Variants in FSIP1 observed in about 807,000 individuals in gnomAD.
FSIP1 encodes the protein fibrous sheath-interacting protein 1.
In FSIP1, 65 loss-of-function variants were observed where a neutral mutation model predicts 60.9. The ratio of observed to expected loss-of-function variants is 1.07; its 90% CI spans 0.87 to 1.31. FSIP1 has a LOEUF of 1.31. Among genes scored for constraint, FSIP1 ranks in the 40% most tolerant of loss-of-function variants. The probability of loss-of-function intolerance (pLI) is 0.00; values close to 1 mark genes in which losing one functional copy is unlikely to be tolerated. For missense variants in FSIP1, 675 were observed against 665.5 expected (o/e 1.01, Z -0.16); for synonymous variants, 209 against 221.2 (o/e 0.94, Z 0.49).
intron 10 of FSIP1, among the ~76,000 whole-genome samples, chr15:39,711,857 T>C (rs1895528822): frequency 6.6e-6 from 1 of 151,822 alleles, no homozygotes; most frequent in Non-Finnish European, 1.5e-5. Flanking sequence ...GCTAATTTTT[T>C]TTGTATTTTA....
intron 10 of FSIP1, among the ~76,000 whole-genome samples, chr15:39,709,004 C>G (rs761395223): frequency 1.2e-4 from 18 of 152,328 alleles, no homozygotes. Context: ...CTCCTACAGA[C>G]TAAATCAAAT....
intron 10 of FSIP1, among the ~76,000 whole-genome samples, chr15:39,651,098 C>G (rs1372605092): frequency 6.6e-6 from 1 of 152,094 alleles, no homozygotes; most frequent in African/African-American, 2.4e-5. Context: ...GGGCATGAAC[C>G]CATGGACATG....
chr15:39,655,151 C>G (rs1227352748), intron 10 of FSIP1, among the ~76,000 whole-genome samples: 1 of 152,134 alleles, frequency 6.6e-6, no homozygotes, highest in Non-Finnish European at 1.5e-5. Flanking sequence ...GAAGTTTTCC[C>G]AGTATCTGTT....
Position 39,697,383 on chromosome 15 carries a change from T to C in FSIP1, c.1188+16061A>G, listed in dbSNP as rs113446074. ...CTGAAACCTCATTCCATGTATTAGA[T>C]ACTGGTTGGCCAATAAGAATGTGAA... On this transcript the variant is annotated intron_variant, in intron 10 of 11. Transcript: ENST00000350221. Among the ~76,000 whole-genome samples, 1,109 of 152,332 alleles carry C rather than the reference T, an allele frequency of 7.3e-3. 8 individuals carry two copies. The highest frequency in any genetic ancestry group is 0.011 in the Non-Finnish European group (777 of 68,032).
At chr15:39,657,621 C>T (rs553131301) in intron 10 of FSIP1, among the ~76,000 whole-genome samples, 1 of 152,270 alleles carries the variant, frequency 6.6e-6, no homozygotes, top group South Asian at 2.1e-4. Flanking sequence ...CACCATTCCT[C>T]CTTCTTGAAA....
intron 9 of FSIP1, among the ~76,000 whole-genome samples, chr15:39,724,811 A>G (rs948346638): frequency 1.3e-5 from 2 of 152,246 alleles, no homozygotes; most frequent in African/African-American, 4.8e-5. Flanking sequence ...TAACAAGAAC[A>G]ACAAAAATCA....
In FSIP1 at chr15:39,713,506, G is replaced by A. The variant is rs137899909; in HGVS notation, c.1126C>T (p.Arg376Cys). 114 of 1,609,696 alleles carry A rather than the reference G, an allele frequency of 7.1e-5. No homozygotes were observed. The highest frequency in any genetic ancestry group is 4.4e-4 in the South Asian group (40 of 90,424). ...TCTCTCAGCCGATTATGCAGATCGC[G>A]TTGCTCTTTGGTGTTCCTAAGTATC... ...EKILRNTKEQRDLHNRLREID... is the reference protein window; with the variant it reads ...EKILRNTKEQCDLHNRLREID... The change falls in exon 10 of 12, where the codon CGC becomes TGC. Residue 376 changes from arginine to cysteine, a missense_variant. Physicochemically the swap from Arg to Cys is radical, Grantham distance 180. Coordinates refer to ENST00000350221, the MANE Select transcript of FSIP1 (RefSeq NM_152597.5).
intron 10 of FSIP1, among the ~76,000 whole-genome samples, chr15:39,697,928 C>T (rs1285319401): frequency 5.9e-5 from 9 of 152,020 alleles, no homozygotes; most frequent in Admixed American, 5.9e-4. Context: ...TTAGACTCTC[C>T]TAGAATCTTA....
intron 11 of FSIP1, among the ~76,000 whole-genome samples, chr15:39,604,624 A>C (rs76861631): frequency 2.0e-3 from 298 of 152,334 alleles, no homozygotes; most frequent in African/African-American, 6.5e-3. Flanking sequence ...CTAATATGGC[A>C]TCTCTGATAT....
intron 7 of FSIP1, 66 bp from the exon 8 acceptor site, chr15:39,738,267 T>A: frequency 1.0e-6 from 1 of 984,664 alleles, no homozygotes; most frequent in Non-Finnish European, 1.5e-6. Context: ...AAAAAAAAAA[T>A]GGAATCTGAG....
chr15:39,687,137 C>A, intron 10 of FSIP1, among the ~76,000 whole-genome samples: 1 of 115,456 alleles, frequency 8.7e-6, no homozygotes, highest in African/African-American at 3.5e-5. Context: ...TTTTCTTTTC[C>A]TTTTTTTTTT....
chr15:39,737,498 G>A (rs1048850383), intron 8 of FSIP1, among the ~76,000 whole-genome samples: 1 of 152,170 alleles, frequency 6.6e-6, no homozygotes, highest in Admixed American at 6.5e-5. Flanking sequence ...ACATTCATAT[G>A]TCATCAGTAA....
chr15:39,735,690 A>C lies in FSIP1; in HGVS notation c.891+2401T>G, dbSNP rs148923535. ...TTTTACTGTAACTTTTTTACTTTTA[A>C]AACTTTTAAATTTGTTTAACTTTTT... On this transcript the variant is annotated intron_variant, in intron 8 of 11. Transcript: ENST00000350221. Among the ~76,000 whole-genome samples, 3 of 152,234 alleles carry C rather than the reference A, an allele frequency of 2.0e-5. No homozygotes were observed. The East Asian group carries it at 5.8e-4, about 29-fold the overall frequency.
intron 10 of FSIP1, among the ~76,000 whole-genome samples, chr15:39,679,771 A>G (rs934996194): frequency 2.6e-5 from 4 of 152,156 alleles, no homozygotes; most frequent in Non-Finnish European, 4.4e-5. Flanking sequence ...TTAAGGGGGG[A>G]AAACAACATT....
At chr15:39,736,211 G>A (rs1896602428) in intron 8 of FSIP1, among the ~76,000 whole-genome samples, 1 of 152,222 alleles carries the variant, frequency 6.6e-6, no homozygotes, top group South Asian at 2.1e-4. Context: ...AACCAGCGAA[G>A]CTGAAATATC....
At position 39,778,396 on chromosome 15, in the gene FSIP1, G is replaced by A. The variant is rs145880287; in HGVS notation, c.-7-1865C>T. ...TTCATTTTGCTCTAGAAATAGGTCT[G>A]TTCTATTAGGTTCACTCCTGAAAAT... On this transcript the variant is annotated intron_variant, in intron 1 of 11. Coordinates refer to ENST00000350221, the MANE Select transcript of FSIP1 (RefSeq NM_152597.5). Among the ~76,000 whole-genome samples the A allele has an allele frequency of 4.4e-4, 67 of 152,278 alleles. 2 individuals carry two copies. The East Asian group carries it at 0.011, about 26-fold the overall frequency.
At chr15:39,738,262 A>AAAAATGG (rs1165339645) in intron 7 of FSIP1, 61 bp from the exon 8 acceptor site, 3 of 1,125,314 alleles carry the variant, frequency 2.7e-6, no homozygotes, top group Non-Finnish European at 3.9e-6. Flanking sequence ...TCAGGAAAAA[A>AAAAATGG]AAAATGGAAT....
At chr15:39,734,351 G>T (rs892109853) in intron 8 of FSIP1, among the ~76,000 whole-genome samples, 13 of 152,158 alleles carry the variant, frequency 8.5e-5, no homozygotes, top group African/African-American at 3.1e-4. Flanking sequence ...AATTCGTTGA[G>T]TCCAAATACA....
intron 10 of FSIP1, among the ~76,000 whole-genome samples, chr15:39,636,709 C>A (rs946373149): frequency 1.3e-5 from 2 of 152,204 alleles, no homozygotes; most frequent in African/African-American, 4.8e-5. Flanking sequence ...AATAAGGGAC[C>A]TAGCTGTGAA....
Sources: allele counts gnomAD v4.1 joint callset (sites outside exome capture counted in the v4.1 genomes callset), GRCh38; gene constraint gnomAD v4.1.1; transcripts MANE v1.5; gene names NCBI Gene and HGNC (gene_info 2026-07-23, HGNC 2026-07-21).